The following MINDY3 variants were observed in gnomAD, a reference collection of about 807,000 sequenced individuals.
The protein encoded by MINDY3 is MINDY lysine 48 deubiquitinase 3, also known as ubiquitin carboxyl-terminal hydrolase MINDY-3.
A neutral mutation model predicts 69.2 loss-of-function variants in MINDY3; 38 were observed. That is an observed-to-expected ratio of 0.55 (90% CI 0.42 to 0.72). MINDY3 has a LOEUF of 0.72. Among genes scored for constraint, MINDY3 ranks in the 30% least tolerant of loss-of-function variants. MINDY3 has a pLI of 0.00. For missense variants in MINDY3, 522 were observed against 519.0 expected (o/e 1.01, Z -0.06); for synonymous variants, 192 against 180.1 (o/e 1.07, Z -0.53).
chr10:15,809,871 A>G (rs1312583577), intron 10 of MINDY3, among the ~76,000 whole-genome samples: 1 of 152,038 alleles, frequency 6.6e-6, no homozygotes, highest in Non-Finnish European at 1.5e-5. Flanking sequence ...GGAAAAGATG[A>G]CTCTTTCTAT....
intron 14 of MINDY3, 90 bp downstream of exon 14, chr10:15,782,065 G>T: frequency 3.4e-6 from 3 of 891,592 alleles, no homozygotes; most frequent in Non-Finnish European, 5.4e-6. Flanking sequence ...ATCTTAGGTA[G>T]CAATTGTACG....
At chr10:15,795,478 T>A (rs1318953854) in intron 11 of MINDY3, among the ~76,000 whole-genome samples, 1 of 152,102 alleles carries the variant, frequency 6.6e-6, no homozygotes, top group East Asian at 1.9e-4. Flanking sequence ...AAGGGAACTC[T>A]GAAGTATGAC....
At chr10:15,845,984 A>G (rs6602058) in intron 2 of MINDY3, among the ~76,000 whole-genome samples, 55,165 of 150,998 alleles carry the variant, frequency 0.37, 11,969 homozygotes, top group African/African-American at 0.61. Context: ...CACTACACCC[A>G]GCTAATTTTT....
chr10:15,812,499 G>C (rs1031002209), intron 10 of MINDY3, among the ~76,000 whole-genome samples: 6 of 152,104 alleles, frequency 3.9e-5, no homozygotes, highest in African/African-American at 1.4e-4. Context: ...TCTATGGACT[G>C]GTTCCTTTGG....
chr10:15,828,957 A>T (rs549073824), intron 8 of MINDY3, among the ~76,000 whole-genome samples: 3 of 152,318 alleles, frequency 2.0e-5, no homozygotes, highest in African/African-American at 7.2e-5. Context: ...TCTTCATAAC[A>T]TATGGAGTAA....
chr10:15,791,587 C>T (rs1837419012), intron 11 of MINDY3, among the ~76,000 whole-genome samples: 1 of 151,890 alleles, frequency 6.6e-6, no homozygotes. Context: ...AAACGGCTAG[C>T]ATGTACATAC....
intron 1 of MINDY3, among the ~76,000 whole-genome samples, chr10:15,856,626 C>T (rs571733478): frequency 1.3e-5 from 2 of 152,268 alleles, no homozygotes; most frequent in East Asian, 1.9e-4. Context: ...CACACCCATA[C>T]TAACCATGGC....
intron 2 of MINDY3, among the ~76,000 whole-genome samples, chr10:15,845,953 G>T (rs564715312): frequency 2.6e-5 from 4 of 151,066 alleles, no homozygotes; most frequent in Non-Finnish European, 5.9e-5. Flanking sequence ...TTCCCGAGTA[G>T]CTGGGATTAC....
chr10:15,814,677 G>C (rs1277810490), intron 10 of MINDY3, among the ~76,000 whole-genome samples: 5 of 152,108 alleles, frequency 3.3e-5, no homozygotes, highest in African/African-American at 1.2e-4. Flanking sequence ...CCCTGCCCTA[G>C]ACAAAGTTCA....
chr10:15,846,704 T>C (rs538894729), intron 2 of MINDY3, among the ~76,000 whole-genome samples: 22 of 151,452 alleles, frequency 1.5e-4, no homozygotes, highest in African/African-American at 5.4e-4. Flanking sequence ...ATTTACTTTG[T>C]AGCCAACAGT....
chr10:15,847,803 C>T (rs1833958342), intron 2 of MINDY3, 61 bp downstream of exon 2: 20 of 1,221,472 alleles, frequency 1.6e-5, no homozygotes, highest in East Asian at 4.7e-5. Context: ...CATTAGAAAA[C>T]GACAAGTATG....
At chr10:15,825,128 G>A (rs546337273) in intron 8 of MINDY3, among the ~76,000 whole-genome samples, 8 of 151,794 alleles carry the variant, frequency 5.3e-5, no homozygotes, top group East Asian at 1.9e-4. Flanking sequence ...TCTGAAATCC[G>A]AAATGTTCCA....
At chr10:15,836,525 G>C (rs1833095890) in intron 6 of MINDY3, among the ~76,000 whole-genome samples, 1 of 151,878 alleles carries the variant, frequency 6.6e-6, no homozygotes, top group African/African-American at 2.4e-5. Flanking sequence ...AATAAAAGAA[G>C]TTTGATTTCA....
At chr10:15,841,864 G>C (rs1340109354) in intron 3 of MINDY3, among the ~76,000 whole-genome samples, 1 of 151,678 alleles carries the variant, frequency 6.6e-6, no homozygotes, top group African/African-American at 2.4e-5. Context: ...CATTATGAAA[G>C]ATCATAATGT....
rs994789282 is a variant in MINDY3, at chr10:15,856,700, A to C, written c.94+3506T>G. ...TAAAAAGGCCACTCACCCTTTAAAGAAGTTTGCCAAACACTGAGCTAAGCA... is the reference window on the plus strand; with the variant it reads ...TAAAAAGGCCACTCACCCTTTAAAGCAGTTTGCCAAACACTGAGCTAAGCA... On this transcript the variant is annotated intron_variant, in intron 1 of 14. Transcript: ENST00000277632. Among the ~76,000 whole-genome samples, 4 of 152,210 alleles carry C rather than the reference A, an allele frequency of 2.6e-5. No individual in the cohort carries two copies. In the East Asian group the frequency reaches 7.7e-4, roughly 29 times the overall value.
intron 10 of MINDY3, among the ~76,000 whole-genome samples, chr10:15,812,176 C>T (rs552472959): frequency 2.0e-5 from 3 of 152,120 alleles, no homozygotes; most frequent in South Asian, 2.1e-4. Flanking sequence ...CCTGACCTCA[C>T]GTGATTCACC....
At chr10:15,781,654 C>T (rs1463504548) in intron 14 of MINDY3, among the ~76,000 whole-genome samples, 1 of 152,092 alleles carries the variant, frequency 6.6e-6, no homozygotes, top group Non-Finnish European at 1.5e-5. Flanking sequence ...CATTTCCTGG[C>T]TGCTTGACCT....
In MINDY3 at chr10:15,786,639, G is replaced by C; in HGVS notation, c.1038C>G (p.Leu346=). The change falls in exon 13 of 15, where the codon CTC becomes CTG. Residue 346 remains leucine, a synonymous_variant. Coordinates refer to ENST00000277632, the MANE Select transcript of MINDY3 (RefSeq NM_024948.4). Reference sequence around the variant, plus strand: ...CTTCTGGATCTAATTTATTCTTCATGAGATTTATACTACGGGGAGAAAGAA... The same window carrying C: ...CTTCTGGATCTAATTTATTCTTCATCAGATTTATACTACGGGGAGAAAGAA... ...DLVSDPEYIN[L]MKNKLDPEGL... is the part of the protein sequence containing the mutation. The C allele has an allele frequency of 6.4e-7, 1 of 1,567,652 alleles. No homozygotes were observed. The highest frequency in any genetic ancestry group is 8.8e-7 in the Non-Finnish European group (1 of 1,140,640).
intron 10 of MINDY3, among the ~76,000 whole-genome samples, chr10:15,802,010 A>G (rs1588543314): frequency 6.6e-6 from 1 of 151,590 alleles, no homozygotes; most frequent in East Asian, 1.9e-4. Context: ...ACTGACATTC[A>G]TTATAATTTT....
Sources: gnomAD v4.1 joint callset for allele counts (sites outside exome capture counted in the v4.1 genomes callset) on GRCh38, gnomAD v4.1.1 for gene constraint, MANE v1.5 for transcripts, NCBI Gene and HGNC (gene_info 2026-07-23, HGNC 2026-07-21) for gene names.